NPAS2: variants seen among roughly 807,000 people sequenced by gnomAD.
NPAS2 encodes neuronal PAS domain-containing protein 2.
Under a neutral mutation model 107.5 loss-of-function variants are expected in NPAS2, and 23 were observed. The ratio of observed to expected loss-of-function variants is 0.21; its 90% CI spans 0.15 to 0.30. The LOEUF is 0.30. NPAS2 is among the 10% of genes least tolerant of loss of function. The pLI is 1.00. For synonymous variants in NPAS2, 403 were observed against 417.5 expected, an observed-to-expected ratio of 0.97 and a Z score of 0.42; for missense variants, 756 against 1,043.3, an observed-to-expected ratio of 0.72 and a Z score of 3.79.
chr2:100,897,023 G>A (rs898867096), intron 1 of NPAS2, among the ~76,000 whole-genome samples: 18 of 152,266 alleles, frequency 1.2e-4, no homozygotes, highest in Admixed American at 1.3e-4. Context: ...CAATCATGGC[G>A]GAAGGGGAAG....
At chr2:100,990,759 T>C in intron 18 of NPAS2, 21 bp from the exon 19 acceptor site, 1 of 1,608,670 alleles carries the variant, frequency 6.2e-7, no homozygotes, top group Non-Finnish European at 8.5e-7. Context: ...CAGTTTCCTA[T>C]TTCCCCACCT....
chr2:100,856,777 TG>T (rs1395613392), intron 1 of NPAS2, among the ~76,000 whole-genome samples: 1 of 152,174 alleles, frequency 6.6e-6, no homozygotes. Context: ...AGGAAGCACC[TG>T]TGGTGCCAGG....
intron 1 of NPAS2, chr2:100,846,959 T>C (rs1294350799): frequency 6.6e-6 from 1 of 152,186 alleles, no homozygotes; most frequent in African/African-American, 2.4e-5. Context: ...CATTGCATGT[T>C]GTCAAGGCGC....
At chr2:100,959,259 A>C in intron 7 of NPAS2, among the ~76,000 whole-genome samples, 1 of 138,636 alleles carries the variant, frequency 7.2e-6, no homozygotes. Context: ...AAAGAAGGAG[A>C]CCCTGTCTCA....
At chr2:100,925,101 T>C (rs1442961840) in intron 2 of NPAS2, 45 bp from the exon 3 acceptor site, 3 of 1,571,960 alleles carry the variant, frequency 1.9e-6, no homozygotes, top group East Asian at 4.5e-5. Flanking sequence ...ACAAAGCCTT[T>C]GTGACGTGGA....
At chr2:100,977,400 G>C (rs1677089442) in intron 14 of NPAS2, among the ~76,000 whole-genome samples, 1 of 152,188 alleles carries the variant, frequency 6.6e-6, no homozygotes, top group Admixed American at 6.5e-5. Context: ...TCCACCCAGG[G>C]CGGAGTCCAG....
chr2:100,834,113 G>A (rs1005803741), intron 1 of NPAS2, among the ~76,000 whole-genome samples: 4 of 152,168 alleles, frequency 2.6e-5, no homozygotes, highest in African/African-American at 7.2e-5. Flanking sequence ...GAACAGACCA[G>A]CCGACCCCTT....
At chr2:100,957,488 A>G (rs1675638502) in intron 7 of NPAS2, among the ~76,000 whole-genome samples, 1 of 152,262 alleles carries the variant, frequency 6.6e-6, no homozygotes, top group African/African-American at 2.4e-5. Context: ...CAAAAGAGAG[A>G]TGCTTTCAGA....
chr2:100,871,660 T>C (rs779034450), intron 1 of NPAS2, among the ~76,000 whole-genome samples: 4 of 151,998 alleles, frequency 2.6e-5, no homozygotes, highest in Non-Finnish European at 5.9e-5. Flanking sequence ...AACTCTTCCC[T>C]AGAGCATCCT....
Position 100,820,993 on chromosome 2 carries a change from C to T in NPAS2, c.-23+579C>T, listed in dbSNP as rs572664585. The T allele has an allele frequency of 3.9e-6, 5 of 1,274,952 alleles. No individual in the cohort carries two copies. The East Asian group carries it at 3.0e-4, about 76-fold the overall frequency. 79.0% of individuals were successfully genotyped at this position (1,274,952 alleles called of 1,614,324 possible). A position where few individuals can be genotyped will look rare whatever the true frequency, so the allele number is the denominator to read the frequency against. On this transcript the variant is annotated intron_variant, in intron 1 of 20. Transcript: ENST00000335681. This position sits in a 1 kb window ranked among gnomAD's most constrained non-coding sequence, Gnocchi z 5.6. ...GCCTGGCTCCTCACGTCGCTGCCGC[C>T]CCCCCACCCCAACTCCGGAGCTCCC...
intron 3 of NPAS2, among the ~76,000 whole-genome samples, chr2:100,929,553 C>T (rs759797430): frequency 1.3e-5 from 2 of 152,156 alleles, no homozygotes; most frequent in Non-Finnish European, 2.9e-5. Flanking sequence ...GGGGTGGGAC[C>T]ACAATGGGAT....
rs1678076184 is a variant in NPAS2 at position 100,990,870 on chromosome 2, C to T, written c.2109C>T (p.Val703=). 1.9e-6 allele frequency: 3 copies of T among 1,613,832 alleles called. No homozygotes were observed. Among genetic ancestry groups the T allele is most frequent in the Non-Finnish European group, 2.5e-6 (3 of 1,179,870 alleles). Reference sequence around the variant, plus strand: ...AAGTCAGCAGGACGGGACGGCAAGTCAAGTACGTGGACCCTGGCGGGAGGC... The same window carrying T: ...AAGTCAGCAGGACGGGACGGCAAGTTAAGTACGTGGACCCTGGCGGGAGGC... ...PSEVSRTGRQ[V]KYAQSQTVFQ... Residue 703 remains valine, a splice_region_variant and synonymous_variant, in exon 19 of 21, where the codon GTC becomes GTT. Coordinates refer to ENST00000335681, the MANE Select transcript of NPAS2 (RefSeq NM_002518.4).
intron 7 of NPAS2, among the ~76,000 whole-genome samples, chr2:100,955,153 C>T (rs1675495100): frequency 6.6e-6 from 1 of 152,286 alleles, no homozygotes; most frequent in South Asian, 2.1e-4. Context: ...TTTTATAGGA[C>T]ACTTGCTCAT....
At chr2:100,824,261 G>C (rs1012722903) in intron 1 of NPAS2, among the ~76,000 whole-genome samples, 1 of 152,198 alleles carries the variant, frequency 6.6e-6, no homozygotes, top group Admixed American at 6.5e-5. Context: ...GCAGGCAGCT[G>C]TGGAAGCTAA....
In NPAS2 at chr2:100,949,478, A is replaced by G. The variant is rs2105052404; in HGVS notation, c.596A>G (p.Asn199Ser). The stretch of plus-strand genomic sequence containing the variant: ...GTAGGAAATTTTCGCTCTTACAACA[A>G]TGGTAAGCTTTAATTGTCATATAAT... ...KFVGNFRSYN[N>S]VPSPSCNGFD... The change falls in exon 7 of 21, where the codon AAT becomes AGT. Residue 199 changes from asparagine (N) to serine (S), a missense_variant and splice_region_variant. Coordinates refer to ENST00000335681, the MANE Select transcript of NPAS2 (RefSeq NM_002518.4). 2.0e-6 allele frequency: 3 copies of G among 1,498,288 alleles called. No individual in the cohort carries two copies. Among genetic ancestry groups the G allele is most frequent in the Non-Finnish European group, 1.9e-6 (2 of 1,074,918 alleles). 92.8% of individuals were successfully genotyped at this position (1,498,288 alleles called of 1,614,324 possible).
intron 2 of NPAS2, among the ~76,000 whole-genome samples, chr2:100,908,037 C>T (rs548572233): frequency 7.4e-4 from 112 of 152,080 alleles, no homozygotes; most frequent in African/African-American, 2.6e-3. Context: ...TGTGTGTGCA[C>T]GTGCATGCGC....
At chr2:100,821,022 G>T in intron 1 of NPAS2, 1 of 1,302,038 alleles carries the variant, frequency 7.7e-7, no homozygotes, top group Non-Finnish European at 1.0e-6. Context: ...AGCTCCCCAG[G>T]TTGGATGTAT....
chr2:100,879,191 A>T (rs1357754942), intron 1 of NPAS2, among the ~76,000 whole-genome samples: 1 of 152,212 alleles, frequency 6.6e-6, no homozygotes, highest in African/African-American at 2.4e-5. Context: ...ATGTTGCTAA[A>T]CATGAATCAT....
intron 2 of NPAS2, among the ~76,000 whole-genome samples, chr2:100,906,993 T>C (rs376711177): frequency 5.9e-5 from 9 of 152,292 alleles, no homozygotes; most frequent in African/African-American, 2.2e-4. Context: ...AGGCTTTTCA[T>C]ATAAGACCAA....
Sources: gnomAD v4.1 joint callset for allele counts (sites outside exome capture counted in the v4.1 genomes callset) on GRCh38, gnomAD v4.1.1 for gene constraint, Gnocchi (gnomAD v3.1) non-coding constraint, MANE v1.5 for transcripts, NCBI Gene and HGNC (gene_info 2026-07-23, HGNC 2026-07-21) for gene names.